The following ADK variants were observed in gnomAD, a reference collection of about 807,000 sequenced individuals.
ADK encodes the protein adenosine kinase.
A neutral mutation model predicts 44.7 loss-of-function variants in ADK; 24 were observed. The observed-to-expected ratio is 0.54, with a 90% CI of 0.39 to 0.76. ADK has a LOEUF of 0.76. ADK is among the 30% of genes least tolerant of loss of function. ADK has a pLI of 0.00. For missense variants in ADK, 321 were observed against 425.1 expected, an observed-to-expected ratio of 0.76 and a Z score of 2.15; for synonymous variants, 128 against 142.6, an observed-to-expected ratio of 0.90 and a Z score of 0.73.
At chr10:74,657,360 G>C (rs534017577) in intron 9 of ADK, among the ~76,000 whole-genome samples, 2 of 152,332 alleles carry the variant, frequency 1.3e-5, no homozygotes, top group African/African-American at 4.8e-5. Flanking sequence ...GGGAAAGGTT[G>C]TGCAAGGTTG....
chr10:74,226,388 G>T (rs1162062951), intron 3 of ADK, among the ~76,000 whole-genome samples: 2 of 152,090 alleles, frequency 1.3e-5, no homozygotes, highest in Non-Finnish European at 2.9e-5. Context: ...ATTATCACAG[G>T]CTTGAGCCAC....
chr10:74,464,561 A>G (rs1214647976), intron 6 of ADK, among the ~76,000 whole-genome samples: 1 of 152,148 alleles, frequency 6.6e-6, no homozygotes, highest in Non-Finnish European at 1.5e-5. Context: ...CCATGTCTTT[A>G]AAAAAATAAA....
At chr10:74,238,826 A>G (rs1208806998) in intron 3 of ADK, among the ~76,000 whole-genome samples, 1 of 144,018 alleles carries the variant, frequency 6.9e-6, no homozygotes, top group Non-Finnish European at 1.5e-5. Flanking sequence ...GGAGAATAGT[A>G]TACATTGAAA....
At position 74,708,430 on chromosome 10, in the gene ADK, G is replaced by A. The variant is rs780523967; in HGVS notation, c.1074G>A (p.Lys358=). 8 of 1,611,744 alleles carry A rather than the reference G, an allele frequency of 5.0e-6. No individual in the cohort carries two copies. The South Asian group carries it at 6.6e-5, about 13-fold the overall frequency. Residue 358 remains lysine, a synonymous_variant, in exon 11 of 11, where the codon AAG becomes AAA. Transcript: ENST00000539909. The part of the protein sequence containing the change: ...IRRTGCTFPE[K]PDFH ...GGACTGGCTGCACCTTTCCTGAGAAGCCAGACTTCCACTGATGGAAGAGCT... is the reference window on the plus strand; with the variant it reads ...GGACTGGCTGCACCTTTCCTGAGAAACCAGACTTCCACTGATGGAAGAGCT...
intron 3 of ADK, among the ~76,000 whole-genome samples, chr10:74,296,704 C>G (rs974349604): frequency 1.3e-5 from 2 of 151,740 alleles, no homozygotes; most frequent in African/African-American, 4.8e-5. Flanking sequence ...CCCCGCCTCC[C>G]AGGTTCACAC....
At chr10:74,296,106 G>T (rs1201252630) in intron 3 of ADK, among the ~76,000 whole-genome samples, 2 of 139,524 alleles carry the variant, frequency 1.4e-5, no homozygotes, top group African/African-American at 2.7e-5. Context: ...TTCATTTGCA[G>T]TTTTTTTCCT....
intron 6 of ADK, among the ~76,000 whole-genome samples, chr10:74,487,317 A>T (rs11001052): frequency 0.61 from 91,924 of 151,744 alleles, 30,390 homozygotes; most frequent in Middle Eastern, 0.78. Flanking sequence ...TTCAGAATGA[A>T]TGATTGATAG....
At chr10:74,452,397 A>G (rs557807641) in intron 6 of ADK, among the ~76,000 whole-genome samples, 7 of 152,140 alleles carry the variant, frequency 4.6e-5, no homozygotes, top group African/African-American at 1.7e-4. Context: ...TGATTGACAC[A>G]TATGAATGTA....
intron 6 of ADK, among the ~76,000 whole-genome samples, chr10:74,467,116 TA>T (rs1454814326): frequency 1.3e-5 from 2 of 152,178 alleles, no homozygotes; most frequent in African/African-American, 4.8e-5. Context: ...AGTGTAATTA[TA>T]ACCATCTTTT....
intron 2 of ADK, among the ~76,000 whole-genome samples, chr10:74,223,971 C>T (rs777667000): frequency 1.3e-5 from 2 of 152,064 alleles, no homozygotes; most frequent in African/African-American, 4.8e-5. Flanking sequence ...TGCCTGTAAT[C>T]CCAGCTTCTG....
intron 1 of ADK, among the ~76,000 whole-genome samples, chr10:74,158,987 AACTGAAGTTTCACAT>A (rs1309902563): frequency 2.6e-5 from 4 of 152,220 alleles, no homozygotes; most frequent in African/African-American, 9.6e-5. Context: ...TGGTCTCCCA[AACTGAAGTTTCACAT>A]ACTGCTTGAA....
chr10:74,578,511 G>A (rs917457623), intron 7 of ADK, among the ~76,000 whole-genome samples: 13 of 152,050 alleles, frequency 8.5e-5, no homozygotes, highest in African/African-American at 3.1e-4. Flanking sequence ...GTCTGTGGTA[G>A]CATAAAAGCA....
intron 4 of ADK, among the ~76,000 whole-genome samples, chr10:74,363,427 A>T (rs1400587171): frequency 1.3e-5 from 2 of 152,056 alleles, no homozygotes; most frequent in African/African-American, 4.8e-5. Context: ...CCACCCTGGG[A>T]TCTGCTGTTG....
intron 4 of ADK, among the ~76,000 whole-genome samples, chr10:74,353,549 A>G (rs1244600935): frequency 6.8e-6 from 1 of 147,828 alleles, no homozygotes; most frequent in East Asian, 2.0e-4. Context: ...CGTTCTGCAC[A>G]TATATCCCAG....
At chr10:74,579,740 A>G (rs1483914139) in intron 7 of ADK, among the ~76,000 whole-genome samples, 3 of 152,212 alleles carry the variant, frequency 2.0e-5, no homozygotes, top group Non-Finnish European at 4.4e-5. Flanking sequence ...CACACTGGAT[A>G]TCTGCAGAGG....
intron 6 of ADK, among the ~76,000 whole-genome samples, chr10:74,425,949 T>C (rs954081179): frequency 5.3e-5 from 8 of 152,212 alleles, no homozygotes; most frequent in East Asian, 1.9e-4. Flanking sequence ...ATGTATTATT[T>C]TTCTTTTTGG....
At chr10:74,184,140 A>G (rs1842662029) in intron 1 of ADK, among the ~76,000 whole-genome samples, 1 of 150,480 alleles carries the variant, frequency 6.6e-6, no homozygotes, top group South Asian at 2.1e-4. Flanking sequence ...CTGGTCTTGA[A>G]CTCCTGACCT....
intron 6 of ADK, among the ~76,000 whole-genome samples, chr10:74,466,841 C>G (rs1846374545): frequency 6.6e-6 from 1 of 152,114 alleles, no homozygotes; most frequent in Non-Finnish European, 1.5e-5. Context: ...CCTTTAATAT[C>G]TGTTACCTGA....
chr10:74,497,122 C>T (rs1269405161), intron 6 of ADK, among the ~76,000 whole-genome samples: 1 of 152,146 alleles, frequency 6.6e-6, no homozygotes, highest in African/African-American at 2.4e-5. Context: ...CTAGCTCCCC[C>T]TCTCTCTTAT....
Sources: gnomAD v4.1 joint callset for allele counts (sites outside exome capture counted in the v4.1 genomes callset) on GRCh38, gnomAD v4.1.1 for gene constraint, MANE v1.5 for transcripts, NCBI Gene and HGNC (gene_info 2026-07-23, HGNC 2026-07-21) for gene names.